ERC2: variants seen among roughly 807,000 people sequenced by gnomAD.
The protein encoded by ERC2 is ELKS/RAB6-interacting/CAST family member 2.
A neutral mutation model predicts 114.8 loss-of-function variants in ERC2; 42 were observed. That is an observed-to-expected ratio of 0.37 (90% CI 0.29 to 0.47). The LOEUF is 0.47. Among genes scored for constraint, ERC2 ranks in the 20% least tolerant of loss-of-function variants. The pLI, the probability that ERC2 is intolerant of heterozygous loss-of-function variation, is 0.99. For missense variants in ERC2, 939 were observed against 1,150.7 expected (o/e 0.82, Z 2.66); for synonymous variants, 454 against 425.5 (o/e 1.07, Z -0.82).
intron 15 of ERC2, among the ~76,000 whole-genome samples, chr3:55,701,531 G>A (rs369824172): frequency 1.3e-5 from 2 of 152,082 alleles, no homozygotes; most frequent in South Asian, 4.2e-4. Flanking sequence ...TATTTGAAAG[G>A]CCCCAAAGTG....
intron 7 of ERC2, among the ~76,000 whole-genome samples, chr3:56,035,659 T>G (rs1161494000): frequency 6.6e-6 from 1 of 152,164 alleles, no homozygotes; most frequent in East Asian, 1.9e-4. Flanking sequence ...GATACAGCCT[T>G]CCTCCTCTCT....
intron 13 of ERC2, among the ~76,000 whole-genome samples, chr3:55,919,353 T>C (rs2065282715): frequency 6.6e-6 from 1 of 152,138 alleles, no homozygotes; most frequent in Admixed American, 6.6e-5. Context: ...CACTCCAATC[T>C]AGGCAACATA....
At chr3:56,145,105 GA>G (rs2081070081) in intron 5 of ERC2, among the ~76,000 whole-genome samples, 1 of 152,056 alleles carries the variant, frequency 6.6e-6, no homozygotes, top group Non-Finnish European at 1.5e-5. Context: ...ACTACACCCT[GA>G]AAAAAACACT....
chr3:56,434,946 AAAC>A lies in ERC2; in HGVS notation c.59_61del (p.Arg20del). The A allele has an allele frequency of 1.2e-6, 2 of 1,613,704 alleles. No individual in the cohort carries two copies. Among genetic ancestry groups the A allele is most frequent in the Non-Finnish European group, 1.7e-6 (2 of 1,179,862 alleles). On this transcript the variant is annotated inframe_deletion, in exon 2 of 18. Transcript: ENST00000288221. ...GTGGCCCAAACGAGGAGACCTTGGC[AAAC>A]GAGGGGATCTGGAAGGGCTACCTTC... is the stretch of plus-strand genomic sequence containing the variant.
intron 3 of ERC2, among the ~76,000 whole-genome samples, chr3:56,180,162 G>A (rs1269132541): frequency 6.6e-6 from 1 of 152,196 alleles, no homozygotes; most frequent in Non-Finnish European, 1.5e-5. Context: ...TCAATAGGAT[G>A]AAGCTAGAGA....
chr3:56,134,303 T>C (rs1458303694), intron 6 of ERC2, among the ~76,000 whole-genome samples: 1 of 152,190 alleles, frequency 6.6e-6, no homozygotes, highest in Non-Finnish European at 1.5e-5. Context: ...GATAATGAAA[T>C]CACTGGGAGT....
At chr3:55,792,324 GTGGAGAAAGGTATTGTT>G (rs1031516670) in intron 14 of ERC2, among the ~76,000 whole-genome samples, 2 of 152,172 alleles carry the variant, frequency 1.3e-5, no homozygotes, top group African/African-American at 4.8e-5. Flanking sequence ...AAGGCAGAGG[GTGGAGAAAGGTATTGTT>G]TAGCTCTCGA....
At chr3:56,049,774 T>C (rs935625842) in intron 7 of ERC2, among the ~76,000 whole-genome samples, 6 of 151,778 alleles carry the variant, frequency 4.0e-5, no homozygotes, top group African/African-American at 1.5e-4. Context: ...TGTGGGACCT[T>C]GAGATAGTAT....
Position 55,797,422 on chromosome 3 carries a change from C to T in ERC2, c.2565-62504G>A, listed in dbSNP as rs528010514. Among the ~76,000 whole-genome samples the T allele has an allele frequency of 3.9e-5, 6 of 152,254 alleles. No homozygotes were observed. The East Asian group carries it at 1.2e-3, about 29-fold the overall frequency. On this transcript the variant is annotated intron_variant, in intron 14 of 17. Transcript: ENST00000288221. ...TGATAAACCAGGATTCTTAAAGGAG[C>T]TAGGTGATCCTAGATTGATAGCAGC... is the stretch of plus-strand genomic sequence containing the variant.
chr3:56,217,832 C>T (rs1206139027), intron 3 of ERC2, among the ~76,000 whole-genome samples: 3 of 152,094 alleles, frequency 2.0e-5, no homozygotes, highest in East Asian at 1.9e-4. Context: ...AGAAATAATG[C>T]CACGTATCTA....
Position 56,161,284 on chromosome 3 carries a change from G to A in ERC2, c.1150-12152C>T, listed in dbSNP as rs139803186. ...ATGCTTGTACAGCCTGCCAAACCAT[G>A]AGCCAATTAAACTTCTTTTCTTTAT... On this transcript the variant is annotated intron_variant, in intron 4 of 17. Transcript: ENST00000288221. 4.4e-3 allele frequency among the ~76,000 whole-genome samples: 676 copies of A among 152,260 alleles called. 11 individuals carry two copies. The highest frequency in any genetic ancestry group is 0.016 in the African/African-American group (647 of 41,570).
At chr3:55,632,908 A>T (rs1258941412) in intron 17 of ERC2, among the ~76,000 whole-genome samples, 1 of 152,240 alleles carries the variant, frequency 6.6e-6, no homozygotes, top group Non-Finnish European at 1.5e-5. Flanking sequence ...TAGTTTCGCC[A>T]GGACTAAACC....
At chr3:56,191,880 G>A (rs757644756) in intron 3 of ERC2, among the ~76,000 whole-genome samples, 6 of 152,030 alleles carry the variant, frequency 3.9e-5, no homozygotes, top group Non-Finnish European at 7.4e-5. Context: ...ACACACCTGT[G>A]CACAAATGTC....
intron 9 of ERC2, among the ~76,000 whole-genome samples, 168 bp from the exon 10 acceptor site, chr3:56,007,489 T>C (rs943772087): frequency 4.6e-5 from 7 of 152,096 alleles, no homozygotes; most frequent in Admixed American, 3.9e-4. Flanking sequence ...GAAATTAAAG[T>C]TGGCCAGCTT....
At position 56,058,764 on chromosome 3, in the gene ERC2, C is replaced by T. The variant is rs182355496; in HGVS notation, c.1641+22053G>A. 5.1e-3 allele frequency among the ~76,000 whole-genome samples: 777 copies of T among 152,324 alleles called. 5 individuals are homozygous for T. Among genetic ancestry groups the T allele is most frequent in the African/African-American group, 0.017 (720 of 41,580 alleles). ...CCTTGGACTCAAACTGCAACTCTTT[C>T]CTGGGTCTCCAGCCTGCCAGCCTCT... is the stretch of plus-strand genomic sequence containing the variant. On this transcript the variant is annotated intron_variant, in intron 7 of 17. Transcript: ENST00000288221.
chr3:56,417,711 G>T (rs1046154279), intron 2 of ERC2, among the ~76,000 whole-genome samples: 1 of 152,168 alleles, frequency 6.6e-6, no homozygotes, highest in African/African-American at 2.4e-5. Context: ...CTCCAAAGCT[G>T]GTGCTCTCGA....
chr3:55,550,036 C>T (rs1183781262), intron 17 of ERC2, among the ~76,000 whole-genome samples: 1 of 151,856 alleles, frequency 6.6e-6, no homozygotes, highest in Non-Finnish European at 1.5e-5. Context: ...TTGTCTGGAC[C>T]ATACTCTTTG....
Position 55,748,751 on chromosome 3 carries a change from T to C in ERC2, c.2565-13833A>G, listed in dbSNP as rs556099154. ...CATCCTCTTCATCCCGAATGCCTAG[T>C]ATAATCCAGTTGCAATCAGAAGCTC... On this transcript the variant is annotated intron_variant, in intron 14 of 17. Transcript: ENST00000288221. Among the ~76,000 whole-genome samples, 10 of 152,276 alleles carry C rather than the reference T, an allele frequency of 6.6e-5. No homozygotes were observed. In the South Asian group the frequency reaches 2.1e-3, roughly 32 times the overall value.
At chr3:55,929,223 A>C (rs997611021) in intron 13 of ERC2, among the ~76,000 whole-genome samples, 2 of 152,178 alleles carry the variant, frequency 1.3e-5, no homozygotes, top group African/African-American at 4.8e-5. Context: ...GAGGAGCTCC[A>C]GAAGAGTGTA....
Sources: allele counts gnomAD v4.1 joint callset (sites outside exome capture counted in the v4.1 genomes callset), GRCh38; gene constraint gnomAD v4.1.1; transcripts MANE v1.5; gene names NCBI Gene and HGNC (gene_info 2026-07-23, HGNC 2026-07-21).